The following NEBL variants were observed in gnomAD, a reference collection of about 807,000 sequenced individuals.
NEBL encodes the protein LIM and SH3 protein 2.
NEBL carries 122 observed loss-of-function variants against 140.2 expected under a neutral mutation model. The observed-to-expected ratio is 0.87, with a 90% CI of 0.75 to 1.01. The LOEUF is 1.01. Ranked by LOEUF, NEBL falls within the 50% of genes least tolerant of loss-of-function variation. NEBL has a pLI of 0.00. For synonymous variants in NEBL, 436 were observed against 398.9 expected (o/e 1.09, Z -1.11); for missense variants, 1,365 against 1,231.3 (o/e 1.11, Z -1.62).
chr10:21,088,433 A>G (rs1268195457), intron 2 of NEBL, among the ~76,000 whole-genome samples: 1 of 152,114 alleles, frequency 6.6e-6, no homozygotes, highest in African/African-American at 2.4e-5. Flanking sequence ...GTAGTGGGCT[A>G]TGATGGTACC....
At chr10:21,282,476 T>G (rs1170532929) in intron 1 of NEBL, among the ~76,000 whole-genome samples, 1 of 151,944 alleles carries the variant, frequency 6.6e-6, no homozygotes, top group African/African-American at 2.4e-5. Context: ...AAGTCATACC[T>G]TTGCCACCAG....
intron 4 of NEBL, among the ~76,000 whole-genome samples, chr10:20,954,268 G>C (rs1352446062): frequency 2.0e-5 from 3 of 152,172 alleles, no homozygotes; most frequent in East Asian, 3.9e-4. Context: ...ATTCACACAA[G>C]GCCAGGAGAT....
intron 3 of NEBL, among the ~76,000 whole-genome samples, chr10:20,992,165 T>C (rs1837482201): frequency 6.6e-6 from 1 of 152,260 alleles, no homozygotes; most frequent in Non-Finnish European, 1.5e-5. Context: ...TAAAAATTAC[T>C]TTGCTAATTA....
intron 1 of NEBL, among the ~76,000 whole-genome samples, chr10:21,271,445 C>T (rs75264376): frequency 0.028 from 4,270 of 151,864 alleles, 186 homozygotes; most frequent in African/African-American, 0.097. Context: ...TAACATATTC[C>T]GGGTTTCATG....
At chr10:21,286,900 A>G (rs1278923949) in intron 1 of NEBL, among the ~76,000 whole-genome samples, 2 of 152,126 alleles carry the variant, frequency 1.3e-5, no homozygotes, top group Non-Finnish European at 2.9e-5. Context: ...GGAACAGACA[A>G]TTTGACCTTT....
At chr10:21,219,080 T>C (rs1351041231) in intron 3 of NEBL, among the ~76,000 whole-genome samples, 5 of 152,220 alleles carry the variant, frequency 3.3e-5, no homozygotes, top group Non-Finnish European at 1.5e-5. Context: ...GTGGCATATT[T>C]TGGGATGGCA....
intron 4 of NEBL, among the ~76,000 whole-genome samples, chr10:20,902,437 C>CATATGT (rs1477231808): frequency 1.3e-5 from 2 of 151,946 alleles, no homozygotes; most frequent in East Asian, 3.9e-4. Flanking sequence ...AGGTATATTC[C>CATATGT]ATATGTATAT....
chr10:21,132,194 G>A (rs1839144429), intron 2 of NEBL, among the ~76,000 whole-genome samples: 1 of 152,034 alleles, frequency 6.6e-6, no homozygotes, highest in African/African-American at 2.4e-5. Flanking sequence ...TGTTTCTATG[G>A]ATTTGCCTGT....
At chr10:21,241,664 T>C (rs1842441359) in intron 3 of NEBL, among the ~76,000 whole-genome samples, 1 of 152,040 alleles carries the variant, frequency 6.6e-6, no homozygotes, top group African/African-American at 2.4e-5. Flanking sequence ...TCTCCACATC[T>C]GGAGAGCCAG....
intron 4 of NEBL, among the ~76,000 whole-genome samples, chr10:20,959,717 T>A (rs1362805608): frequency 6.6e-6 from 1 of 152,074 alleles, no homozygotes; most frequent in Non-Finnish European, 1.5e-5. Flanking sequence ...ATATGCCTCA[T>A]ATTGGCTAAG....
chr10:21,048,848 T>C (rs892351774), intron 2 of NEBL, among the ~76,000 whole-genome samples: 5 of 151,602 alleles, frequency 3.3e-5, no homozygotes, highest in African/African-American at 1.2e-4. Context: ...ATACAAAAAA[T>C]AAAAAATAAA....
intron 3 of NEBL, among the ~76,000 whole-genome samples, chr10:21,206,922 G>A (rs543882522): frequency 6.6e-6 from 1 of 151,594 alleles, no homozygotes; most frequent in Non-Finnish European, 1.5e-5. Flanking sequence ...CCAATGTTGG[G>A]GATCCTATCT....
chr10:21,029,156 C>T (rs1466528338), intron 2 of NEBL: 5 of 1,332,850 alleles, frequency 3.8e-6, no homozygotes, highest in Admixed American at 3.4e-5. Flanking sequence ...GATGTTTCAA[C>T]GATTTGACAC....
intron 3 of NEBL, among the ~76,000 whole-genome samples, chr10:21,213,328 G>A (rs1208589532): frequency 6.6e-6 from 1 of 152,106 alleles, no homozygotes; most frequent in Non-Finnish European, 1.5e-5. Flanking sequence ...GGGTTCCTGT[G>A]CCCAGAGAAA....
At chr10:21,220,690 C>A (rs1564544755) in intron 3 of NEBL, among the ~76,000 whole-genome samples, 1 of 152,122 alleles carries the variant, frequency 6.6e-6, no homozygotes, top group Non-Finnish European at 1.5e-5. Context: ...GCAAAGGAAA[C>A]AATCAACAGA....
chr10:21,146,749 C>A (rs1192245702), intron 2 of NEBL, among the ~76,000 whole-genome samples: 2 of 152,134 alleles, frequency 1.3e-5, no homozygotes, highest in Non-Finnish European at 2.9e-5. Flanking sequence ...CAAAAGTATT[C>A]ACAAAACTTG....
Position 20,871,508 on chromosome 10 carries a change from C to T in NEBL, c.481-1667G>A, listed in dbSNP as rs116007437. 9.1e-3 allele frequency among the ~76,000 whole-genome samples: 1,387 copies of T among 152,148 alleles called. 18 individuals carry two copies. Among genetic ancestry groups the T allele is most frequent in the African/African-American group, 0.031 (1,282 of 41,508 alleles). On this transcript the variant is annotated intron_variant, in intron 5 of 27. Transcript: ENST00000377122. The stretch of plus-strand genomic sequence containing the variant: ...TTAATACATCAACAGGCTCCCTGTG[C>T]GTTATGTTATTTTATTTCAATGAAA...
intron 7 of NEBL, among the ~76,000 whole-genome samples, chr10:20,865,223 C>T (rs809309): frequency 0.81 from 123,960 of 152,144 alleles, 52,031 homozygotes; most frequent in South Asian, 0.92. Context: ...AAATGTAGAA[C>T]AGAAAACTAT....
chr10:21,100,329 T>C (rs1259046068), intron 2 of NEBL, among the ~76,000 whole-genome samples: 2 of 152,216 alleles, frequency 1.3e-5, no homozygotes, highest in East Asian at 3.8e-4. Flanking sequence ...TTTTCTTTCT[T>C]TATTCCCTCT....
Sources: allele counts gnomAD v4.1 joint callset (sites outside exome capture counted in the v4.1 genomes callset), GRCh38; gene constraint gnomAD v4.1.1; transcripts MANE v1.5; gene names NCBI Gene and HGNC (gene_info 2026-07-23, HGNC 2026-07-21).